Variants in CC2D2B observed in about 807,000 individuals in gnomAD.
CC2D2B encodes coiled-coil and C2 domain containing 2B.
In CC2D2B, 128 loss-of-function variants were observed where a neutral mutation model predicts 161.2. The observed-to-expected ratio is 0.79, with a 90% confidence interval of 0.69 to 0.92. CC2D2B has a LOEUF of 0.92. Ranked by LOEUF, CC2D2B falls within the 40% of genes least tolerant of loss-of-function variation. The pLI is 0.00. For missense variants in CC2D2B, 1,173 were observed against 1,375.1 expected (o/e 0.85, Z 2.32); for synonymous variants, 391 against 449.8 (o/e 0.87, Z 1.65).
intron 11 of CC2D2B, among the ~76,000 whole-genome samples, chr10:95,958,620 A>G (rs896775462): frequency 1.8e-4 from 28 of 152,136 alleles, no homozygotes; most frequent in Non-Finnish European, 3.4e-4. Flanking sequence ...AAAAGTCACT[A>G]GAGAGATTCA....
chr10:95,935,997 T>C (rs1369489691), intron 6 of CC2D2B, among the ~76,000 whole-genome samples: 1 of 152,192 alleles, frequency 6.6e-6, no homozygotes, highest in Non-Finnish European at 1.5e-5. Flanking sequence ...TTTCCTATGC[T>C]CTTAATCAGT....
intron 10 of CC2D2B, among the ~76,000 whole-genome samples, chr10:95,953,522 C>T (rs1428936928): frequency 1.3e-5 from 2 of 152,158 alleles, no homozygotes; most frequent in Non-Finnish European, 2.9e-5. Flanking sequence ...ATTTTTACGA[C>T]GTCAAATCTG....
intron 32 of CC2D2B, 68 bp downstream of exon 32, chr10:96,019,892 A>G (rs1222324389): frequency 1.4e-5 from 19 of 1,381,792 alleles, no homozygotes; most frequent in Non-Finnish European, 1.8e-5. Context: ...ACTAATTGTG[A>G]CAGCTCTTAT....
At chr10:96,014,951 C>T (rs1417304493) in intron 29 of CC2D2B, among the ~76,000 whole-genome samples, 1 of 152,150 alleles carries the variant, frequency 6.6e-6, no homozygotes, top group Non-Finnish European at 1.5e-5. Context: ...GCAATGCTTC[C>T]ATAATGATTG....
chr10:95,971,982 AAT>A, intron 15 of CC2D2B, 82 bp from the exon 16 acceptor site: 1 of 667,006 alleles, frequency 1.5e-6, no homozygotes, highest in Non-Finnish European at 2.1e-6. Flanking sequence ...TATTTAAAAA[AAT>A]ATATGTTGTT....
chr10:95,934,752 G>A (rs1180098270), intron 6 of CC2D2B, among the ~76,000 whole-genome samples: 1 of 152,182 alleles, frequency 6.6e-6, no homozygotes. Flanking sequence ...AATAAGCCAG[G>A]TACCTCAGTT....
At chr10:96,027,185 A>T in intron 33 of CC2D2B, 27 bp from the exon 34 acceptor site, 1 of 1,459,768 alleles carries the variant, frequency 6.9e-7, no homozygotes, top group South Asian at 1.4e-5. Flanking sequence ...AACTTGTCAT[A>T]AAATTACCTT....
chr10:95,979,463 A>AT (rs1447063114), intron 17 of CC2D2B, among the ~76,000 whole-genome samples: 1 of 151,986 alleles, frequency 6.6e-6, no homozygotes, highest in East Asian at 1.9e-4. Context: ...AGTGGTCAGT[A>AT]TTTTTTTAAA....
chr10:96,008,904 T>C (rs775451887), intron 25 of CC2D2B, among the ~76,000 whole-genome samples: 6 of 152,228 alleles, frequency 3.9e-5, no homozygotes, highest in Middle Eastern at 3.4e-3. Flanking sequence ...GTCAAACTTA[T>C]CAACTTGCTT....
intron 33 of CC2D2B, among the ~76,000 whole-genome samples, chr10:96,025,191 AAATATATAT>A (rs1318402561): frequency 7.9e-5 from 4 of 50,772 alleles, no homozygotes; most frequent in Non-Finnish European, 8.0e-5. Context: ...ATATAAAAAA[AAATATATAT>A]ATATATATAT....
At chr10:96,010,028 T>G (rs914361841) in intron 26 of CC2D2B, 105 bp downstream of exon 26, 6 of 680,052 alleles carry the variant, frequency 8.8e-6, no homozygotes, top group African/African-American at 1.8e-5. Flanking sequence ...GGCTGGTAGG[T>G]CAGTTAAGAT....
intron 33 of CC2D2B, among the ~76,000 whole-genome samples, chr10:96,025,172 T>TAAA (rs1564683838): frequency 1.1e-4 from 2 of 17,624 alleles, no homozygotes; most frequent in African/African-American, 4.1e-4. Context: ...TATATATATA[T>TAAA]ATATATATAT....
intron 17 of CC2D2B, among the ~76,000 whole-genome samples, chr10:95,978,103 G>C (rs1342786087): frequency 6.6e-6 from 1 of 152,046 alleles, no homozygotes; most frequent in African/African-American, 2.4e-5. Flanking sequence ...AATAAAAAAG[G>C]AAGAAACTGC....
At chr10:95,917,180 G>C (rs933257217) in intron 2 of CC2D2B, among the ~76,000 whole-genome samples, 8 of 152,032 alleles carry the variant, frequency 5.3e-5, no homozygotes, top group African/African-American at 1.7e-4. Context: ...TATTTTATCT[G>C]ATATAATTAT....
At position 96,007,220 on chromosome 10, in the gene CC2D2B, C is replaced by T. The variant is rs552614518; in HGVS notation, c.2947-2605C>T. ...AGGCCCCAGTGTGTGTTATCCCTCTCTATGTGTCCATGTGTTCTCATCGTT... is the reference window on the plus strand; with the variant it reads ...AGGCCCCAGTGTGTGTTATCCCTCTTTATGTGTCCATGTGTTCTCATCGTT... On this transcript the variant is annotated intron_variant, in intron 25 of 34. Coordinates refer to ENST00000646931, the MANE Select transcript of CC2D2B (RefSeq NM_001349008.3). Among the ~76,000 whole-genome samples, 5 of 152,246 alleles carry T rather than the reference C, an allele frequency of 3.3e-5. No homozygotes were observed. In the South Asian group the frequency reaches 1.0e-3, roughly 32 times the overall value.
Position 95,924,811 on chromosome 10 carries a change from G to A in CC2D2B, c.207G>A (p.Gln69=), listed in dbSNP as rs763958628. The change falls in exon 5 of 35, where the codon CAG becomes CAA. Residue 69 remains glutamine (Q), a synonymous_variant. Transcript: ENST00000646931. ...INKGEKSSTE[Q]LIDSEIHQRS... Reference sequence around the variant, plus strand: ...AAGGTGAAAAATCTTCAACTGAGCAGCTCATTGATAGCGAAATACATCAAA... The same window carrying A: ...AAGGTGAAAAATCTTCAACTGAGCAACTCATTGATAGCGAAATACATCAAA... 1 of 1,547,462 alleles carries A rather than the reference G, an allele frequency of 6.5e-7. No individual in the cohort carries two copies. The highest frequency in any genetic ancestry group is 8.7e-7 in the Non-Finnish European group (1 of 1,143,552).
chr10:95,988,784 A>T (rs2077833675), intron 20 of CC2D2B, among the ~76,000 whole-genome samples: 1 of 152,200 alleles, frequency 6.6e-6, no homozygotes, highest in Admixed American at 6.5e-5. Flanking sequence ...CAAATAGTGA[A>T]TATTTACAAA....
chr10:95,916,980 AGTGG>A (rs2098517463), intron 2 of CC2D2B, among the ~76,000 whole-genome samples: 1 of 152,110 alleles, frequency 6.6e-6, no homozygotes, highest in African/African-American at 2.4e-5. Context: ...CAGTGTTGAA[AGTGG>A]GCTGTTGAAG....
At chr10:95,985,638 C>T (rs1194278060) in intron 19 of CC2D2B, among the ~76,000 whole-genome samples, 2 of 152,010 alleles carry the variant, frequency 1.3e-5, no homozygotes, top group Non-Finnish European at 2.9e-5. Flanking sequence ...GAAATCTGGG[C>T]ACCTTGAAAA....
Sources: gnomAD v4.1 joint callset for allele counts (sites outside exome capture counted in the v4.1 genomes callset) on GRCh38, gnomAD v4.1.1 for gene constraint, MANE v1.5 for transcripts, NCBI Gene and HGNC (gene_info 2026-07-23, HGNC 2026-07-21) for gene names.